Variants in IFT140 observed in about 807,000 individuals in gnomAD.
The protein encoded by IFT140 is intraflagellar transport 140.
Under a neutral mutation model 164.6 loss-of-function variants are expected in IFT140, and 133 were observed. The observed-to-expected ratio is 0.81, with a 90% CI of 0.70 to 0.93. The LOEUF is 0.93. IFT140 is among the 40% of genes least tolerant of loss of function. IFT140 has a pLI of 0.00. For missense variants in IFT140, 2,045 were observed against 1,972.3 expected, an observed-to-expected ratio of 1.04 and a Z score of -0.70; for synonymous variants, 860 against 817.3, an observed-to-expected ratio of 1.05 and a Z score of -0.89.
chr16:1,510,950 G>A lies in IFT140; in HGVS notation c.4383C>T (p.Asp1461=), dbSNP rs768372140. 7.4e-6 allele frequency: 12 copies of A among 1,611,046 alleles called. No individual in the cohort carries two copies. The highest frequency in any genetic ancestry group is 1.7e-5 in the Admixed American group (1 of 59,816). ...DEEVVEEADD[D]P is the part of the protein sequence containing the mutation. ...GTCCTGGGGCCCAGGCCCCTCAGGG[G>A]TCGTCATCTGCCTCTTCCACCACCT... is the stretch of plus-strand genomic sequence containing the variant. Residue 1461 remains aspartate, a synonymous_variant, in exon 31 of 31, where the codon GAC becomes GAT. Coordinates refer to ENST00000426508, the MANE Select transcript of IFT140 (RefSeq NM_014714.4).
chr16:1,572,344 C>T (rs530386558), intron 13 of IFT140, among the ~76,000 whole-genome samples: 7 of 152,300 alleles, frequency 4.6e-5, no homozygotes, highest in East Asian at 3.9e-4. Context: ...ACAGTCGGCA[C>T]GTTAGAAAGC....
chr16:1,541,780 G>A, intron 19 of IFT140: 1 of 1,040,834 alleles, frequency 9.6e-7, no homozygotes, highest in South Asian at 1.7e-5. Context: ...GATGCTTCCC[G>A]AAGCCACTGC....
intron 13 of IFT140, among the ~76,000 whole-genome samples, chr16:1,578,992 T>A (rs1217728681): frequency 6.6e-6 from 1 of 152,190 alleles, no homozygotes; most frequent in East Asian, 1.9e-4. Context: ...AGATTACAGA[T>A]GTGAGTTACA....
At chr16:1,541,239 G>C in intron 19 of IFT140, 1 of 985,464 alleles carries the variant, frequency 1.0e-6, no homozygotes, top group Non-Finnish European at 1.2e-6. Context: ...GCCACTGAGT[G>C]AAAGATTTGT....
At position 1,602,621 on chromosome 16, in the gene IFT140, G is replaced by A. The variant is rs778224254; in HGVS notation, c.148-30C>T. On this transcript the variant is annotated intron_variant, in intron 3 of 30. Transcript: ENST00000426508. ...ATTGGATGAGAGGCAAATTCCCACA[G>A]TTCAGAGAGGGACAGCTACTTTTAA... 23 of 1,586,150 alleles carry A rather than the reference G, an allele frequency of 1.5e-5. No individual in the cohort carries two copies. The African/African-American group carries it at 2.7e-4, about 19-fold the overall frequency.
At chr16:1,541,837 G>A (rs995894670) in intron 19 of IFT140, 5 of 1,457,930 alleles carry the variant, frequency 3.4e-6, no homozygotes, top group Non-Finnish European at 4.5e-6. Flanking sequence ...GAGGCAAACA[G>A]AGACCACGAA....
At chr16:1,592,625 CCCGGCAGAGCGA>C in intron 4 of IFT140, 37 bp from the exon 5 acceptor site, 9 of 1,586,500 alleles carry the variant, frequency 5.7e-6, no homozygotes, top group South Asian at 1.1e-5. Context: ...GGACAGGTGT[CCCGGCAGAGCGA>C]CTGGTGGAGG....
chr16:1,520,617 G>T lies in IFT140; in HGVS notation c.3645C>A (p.Ala1215=). 1.9e-6 allele frequency: 3 copies of T among 1,588,102 alleles called. No homozygotes were observed. The highest frequency in any genetic ancestry group is 1.1e-5 in the South Asian group (1 of 88,282). ...YHLATKKYTQ[A]GNKLKAMRAL... ...AGAGGCTCACCTTCAGCTTGTTGCC[G>T]GCCTGCGTGTACTTCTTGGTGGCCA... Residue 1215 remains alanine, a synonymous_variant, in exon 27 of 31, where the codon GCC becomes GCA. Coordinates refer to ENST00000426508, the MANE Select transcript of IFT140 (RefSeq NM_014714.4).
chr16:1,538,712 C>A (rs1418127862), intron 19 of IFT140, among the ~76,000 whole-genome samples: 2 of 152,202 alleles, frequency 1.3e-5, no homozygotes, highest in Non-Finnish European at 2.9e-5. Flanking sequence ...CAGCACCGTG[C>A]CACAGATCCT....
At position 1,602,390 on chromosome 16, in the gene IFT140, A is replaced by G; in HGVS notation, c.349T>C (p.Cys117Arg). ...TVLRWSPSGN[C>R]LLSGDRLGVL... The stretch of plus-strand genomic sequence containing the variant: ...CTCACCCTGTCCCCAGACAGCAGGC[A>G]GTTTCCACTGGGGCTCCAACGGAGC... Residue 117 changes from cysteine (C) to arginine (R), a missense_variant, in exon 4 of 31, where the codon TGC becomes CGC. Physicochemically the swap from Cys to Arg is radical, Grantham distance 180 (BLOSUM62 -3). Coordinates refer to ENST00000426508, the MANE Select transcript of IFT140 (RefSeq NM_014714.4). 1 of 1,614,210 alleles carries G rather than the reference A, an allele frequency of 6.2e-7. No individual in the cohort carries two copies. The highest frequency in any genetic ancestry group is 8.5e-7 in the Non-Finnish European group (1 of 1,180,012).
Position 1,523,513 on chromosome 16 carries a change from C to T in IFT140, c.3453+5G>A, listed in dbSNP as rs753487822. 2.7e-5 allele frequency: 43 copies of T among 1,608,500 alleles called. No individual in the cohort carries two copies. The highest frequency in any genetic ancestry group is 3.4e-5 in the Non-Finnish European group (40 of 1,179,398). ...AGCCGAGCCCAGGCCCCGCTGGCCCCGTACCTTCCTGGCAGCCAGCAGCAG... is the reference window on the plus strand; with the variant it reads ...AGCCGAGCCCAGGCCCCGCTGGCCCTGTACCTTCCTGGCAGCCAGCAGCAG... On this transcript the variant is annotated splice_donor_5th_base_variant and intron_variant, in intron 26 of 30. Transcript: ENST00000426508.
intron 19 of IFT140, among the ~76,000 whole-genome samples, chr16:1,552,382 C>T (rs987212915): frequency 3.9e-5 from 6 of 152,126 alleles, no homozygotes; most frequent in African/African-American, 7.2e-5. Context: ...CTGAGCTCTC[C>T]GCTGTGCCTG....
rs2030425637 is a variant in IFT140 at position 1,531,007 on chromosome 16, A to T, written c.2400-4211T>A. On this transcript the variant is annotated intron_variant, in intron 19 of 30. Transcript: ENST00000426508. The surrounding 1 kb of genome is among the most constrained non-coding windows in gnomAD (Gnocchi z 4.7). ...TCACAGACCCGCCAGAAGCGTCCAG[A>T]CCCAGGCGCTCTCTGCAAGCTCCTT... 6.6e-6 allele frequency: 1 copy of T among 152,210 alleles called. No individual in the cohort carries two copies. The highest frequency in any genetic ancestry group is 1.5e-5 in the Non-Finnish European group (1 of 68,094). 9.4% of individuals were successfully genotyped at this position (152,210 alleles called of 1,614,324 possible). A position where few individuals can be genotyped will look rare whatever the true frequency, so the allele number is the denominator to read the frequency against.
At position 1,586,179 on chromosome 16, in the gene IFT140, C is replaced by T; in HGVS notation, c.1106G>A (p.Trp369Ter). Residue 369 changes from tryptophan to a stop codon, truncating the protein, a stop_gained, in exon 10 of 31, where the codon TGG becomes TAG. Coordinates refer to ENST00000426508, the MANE Select transcript of IFT140 (RefSeq NM_014714.4). LOFTEE classifies it high-confidence loss of function. The part of the protein sequence containing the change: ...GSPGAEGKDR[W>*]ALQTPTELQG... ...GAGCTCGGTAGGGGTCTGAAGGGCC[C>T]ACCTGTCCTTGCCCTCTGCCCCGGG... 1 of 1,614,062 alleles carries T rather than the reference C, an allele frequency of 6.2e-7. No homozygotes were observed. The highest frequency in any genetic ancestry group is 8.5e-7 in the Non-Finnish European group (1 of 1,180,032).
intron 10 of IFT140, 136 bp from the exon 11 acceptor site, chr16:1,584,556 T>C (rs181309343): frequency 2.9e-6 from 2 of 698,160 alleles, no homozygotes; most frequent in East Asian, 2.7e-5. Context: ...TAAAAAATGA[T>C]CTTATAAGAC....
chr16:1,546,322 G>A (rs570917597), intron 19 of IFT140, among the ~76,000 whole-genome samples: 9 of 152,316 alleles, frequency 5.9e-5, no homozygotes, highest in South Asian at 4.1e-4. Context: ...AGGATGCTCC[G>A]AGCCCTCAGG....
intron 19 of IFT140, among the ~76,000 whole-genome samples, chr16:1,536,201 G>C (rs2031055071): frequency 6.6e-6 from 1 of 152,202 alleles, no homozygotes; most frequent in South Asian, 2.1e-4. Flanking sequence ...CCAATCTCAG[G>C]GCAGCTGGAA....
At chr16:1,581,533 G>A (rs890498927) in intron 12 of IFT140, among the ~76,000 whole-genome samples, 1 of 151,642 alleles carries the variant, frequency 6.6e-6, no homozygotes, top group African/African-American at 2.4e-5. Flanking sequence ...CCAGGAGATG[G>A]AGGCTGCAGT....
intron 19 of IFT140, among the ~76,000 whole-genome samples, chr16:1,552,648 C>G (rs1596351577): frequency 7.8e-6 from 1 of 127,586 alleles, no homozygotes; most frequent in Non-Finnish European, 1.6e-5. Context: ...AAAGAGAATG[C>G]TTTTTTTTTT....
Sources: allele counts gnomAD v4.1 joint callset (sites outside exome capture counted in the v4.1 genomes callset), GRCh38; gene constraint gnomAD v4.1.1; non-coding constraint Gnocchi (gnomAD v3.1); transcripts MANE v1.5; gene names NCBI Gene and HGNC (gene_info 2026-07-23, HGNC 2026-07-21).